The following TBC1D22A variants were observed in gnomAD, a reference collection of about 807,000 sequenced individuals.
The protein encoded by TBC1D22A is TBC1 domain family member 22A, also known as putative GTPase activator.
A neutral mutation model predicts 60.2 loss-of-function variants in TBC1D22A; 38 were observed. The ratio of observed to expected loss-of-function variants is 0.63; its 90% CI spans 0.49 to 0.83. The LOEUF (loss-of-function observed/expected upper bound fraction) is 0.83. Ranked by LOEUF, TBC1D22A falls within the 40% of genes least tolerant of loss-of-function variation. The pLI is 0.00. For synonymous variants in TBC1D22A, 302 were observed against 281.7 expected, an observed-to-expected ratio of 1.07 and a Z score of -0.72; for missense variants, 628 against 701.0, an observed-to-expected ratio of 0.90 and a Z score of 1.18.
intron 4 of TBC1D22A, among the ~76,000 whole-genome samples, chr22:46,841,692 A>G (rs2086777888): frequency 1.3e-5 from 2 of 152,218 alleles, no homozygotes; most frequent in South Asian, 4.1e-4. Flanking sequence ...GGAGGGCTGC[A>G]AAGTGGGGAG....
chr22:47,036,847 T>A (rs534277364), intron 10 of TBC1D22A, among the ~76,000 whole-genome samples: 76 of 152,324 alleles, frequency 5.0e-4, no homozygotes, highest in Admixed American at 1.0e-3. Context: ...ATTATAATCA[T>A]CACTTCAGCA....
At chr22:47,154,029 G>C (rs1015217838) in intron 12 of TBC1D22A, among the ~76,000 whole-genome samples, 8 of 152,106 alleles carry the variant, frequency 5.3e-5, no homozygotes, top group Admixed American at 3.3e-4. Flanking sequence ...GAGAGAGTAG[G>C]AGGAGATGTG....
intron 8 of TBC1D22A, among the ~76,000 whole-genome samples, chr22:46,931,564 C>G (rs1198861669): frequency 1.3e-5 from 2 of 152,234 alleles, no homozygotes; most frequent in African/African-American, 4.8e-5. Flanking sequence ...AGACTAAACT[C>G]ACCCAAGTCG....
intron 8 of TBC1D22A, among the ~76,000 whole-genome samples, chr22:46,950,004 G>A (rs928855961): frequency 6.6e-6 from 1 of 152,206 alleles, no homozygotes; most frequent in Non-Finnish European, 1.5e-5. Context: ...ATTGGTTAAC[G>A]TGGGTTAACA....
At chr22:46,974,873 G>C (rs1162812038) in intron 9 of TBC1D22A, among the ~76,000 whole-genome samples, 2 of 152,244 alleles carry the variant, frequency 1.3e-5, no homozygotes, top group Non-Finnish European at 2.9e-5. Flanking sequence ...CCTGCTCCCA[G>C]AGAGCAACAC....
intron 4 of TBC1D22A, among the ~76,000 whole-genome samples, chr22:46,827,615 C>T (rs1364504274): frequency 6.6e-6 from 1 of 152,192 alleles, no homozygotes; most frequent in Non-Finnish European, 1.5e-5. Flanking sequence ...GATCGGCCTG[C>T]CCAGAGAGAG....
Position 46,793,519 on chromosome 22 carries a change from CAAG to C in TBC1D22A, c.140_142del (p.Lys47del). 1 of 1,614,204 alleles carries C rather than the reference CAAG, an allele frequency of 6.2e-7. No individual in the cohort carries two copies. Among genetic ancestry groups the C allele is most frequent in the Non-Finnish European group, 8.5e-7 (1 of 1,180,038 alleles). The stretch of plus-strand genomic sequence containing the variant: ...ATTGCAGTTTGCTCAGGTCCACGGC[CAAG>C]ATGCCGACCACACCAGTGAAGGCCA... On this transcript the variant is annotated inframe_deletion, in exon 3 of 13. Transcript: ENST00000337137.
At chr22:46,918,153 T>C (rs938033414) in intron 8 of TBC1D22A, among the ~76,000 whole-genome samples, 2 of 152,208 alleles carry the variant, frequency 1.3e-5, no homozygotes, top group African/African-American at 4.8e-5. Flanking sequence ...GTGTCCAGTA[T>C]GCGTTGCTCT....
chr22:47,073,758 C>CAA (rs2064098871), intron 11 of TBC1D22A, among the ~76,000 whole-genome samples: 1 of 152,164 alleles, frequency 6.6e-6, no homozygotes, highest in South Asian at 2.1e-4. Flanking sequence ...AATACATGGG[C>CAA]AAACAGCCCT....
intron 4 of TBC1D22A, among the ~76,000 whole-genome samples, chr22:46,810,856 T>C (rs1399496111): frequency 6.6e-6 from 1 of 152,240 alleles, no homozygotes; most frequent in East Asian, 1.9e-4. Flanking sequence ...GGAACTCAGA[T>C]TCCTCCTGGG....
At chr22:46,997,941 C>T (rs1161533648) in intron 10 of TBC1D22A, among the ~76,000 whole-genome samples, 1 of 152,142 alleles carries the variant, frequency 6.6e-6, no homozygotes, top group Non-Finnish European at 1.5e-5. Context: ...AGTGAGTGTG[C>T]ACCCAAAGCA....
At chr22:46,925,120 G>A (rs1280699388) in intron 8 of TBC1D22A, among the ~76,000 whole-genome samples, 1 of 152,202 alleles carries the variant, frequency 6.6e-6, no homozygotes, top group East Asian at 1.9e-4. Context: ...GCTTTCCATT[G>A]TTAGCATTTA....
chr22:47,105,237 TA>T (rs924603490), intron 11 of TBC1D22A, among the ~76,000 whole-genome samples: 1 of 150,768 alleles, frequency 6.6e-6, no homozygotes, highest in African/African-American at 2.4e-5. Flanking sequence ...TGAGTGGATT[TA>T]AAAAAAAAAT....
At chr22:46,907,401 T>C (rs1211336412) in intron 7 of TBC1D22A, among the ~76,000 whole-genome samples, 1 of 152,184 alleles carries the variant, frequency 6.6e-6, no homozygotes, top group Non-Finnish European at 1.5e-5. Context: ...GGCTGCAGCA[T>C]TGCCTGGTAG....
In TBC1D22A at chr22:46,803,353, G is replaced by A. The variant is rs146952417; in HGVS notation, c.637+5733G>A. Reference sequence around the variant, plus strand: ...CCTCCAGGTCACACGTTTCTGGTTAGTGTAGACAGTGGGCATTCTTGGTGC... The same window carrying A: ...CCTCCAGGTCACACGTTTCTGGTTAATGTAGACAGTGGGCATTCTTGGTGC... On this transcript the variant is annotated intron_variant, in intron 4 of 12. Transcript: ENST00000337137. Among the ~76,000 whole-genome samples, 320 of 152,322 alleles carry A rather than the reference G, an allele frequency of 2.1e-3. 1 individual carries two copies. The highest frequency in any genetic ancestry group is 7.4e-3 in the African/African-American group (306 of 41,582).
intron 8 of TBC1D22A, among the ~76,000 whole-genome samples, chr22:46,947,370 G>A (rs1472602424): frequency 6.6e-6 from 1 of 151,876 alleles, no homozygotes; most frequent in African/African-American, 2.4e-5. Flanking sequence ...AGTTAAAAAG[G>A]CCCAGGCCAC....
chr22:46,852,017 T>G (rs1569130493), intron 4 of TBC1D22A, among the ~76,000 whole-genome samples: 1 of 152,180 alleles, frequency 6.6e-6, no homozygotes, highest in Non-Finnish European at 1.5e-5. Context: ...TTGGACAAAC[T>G]GGGCCTAGAA....
intron 11 of TBC1D22A, among the ~76,000 whole-genome samples, chr22:47,076,970 T>C (rs1036723099): frequency 2.6e-5 from 4 of 152,058 alleles, no homozygotes; most frequent in Admixed American, 1.3e-4. Context: ...AAAGAGGAAG[T>C]GGTAAAGAAG....
At chr22:47,147,763 T>C (rs2295247) in intron 12 of TBC1D22A, among the ~76,000 whole-genome samples, 76,943 of 152,098 alleles carry the variant, frequency 0.51, 21,183 homozygotes, top group East Asian at 0.76. Context: ...TGAGCACAGG[T>C]GGCCTGGCTG....
Sources: allele counts gnomAD v4.1 joint callset (sites outside exome capture counted in the v4.1 genomes callset), GRCh38; gene constraint gnomAD v4.1.1; transcripts MANE v1.5; gene names NCBI Gene and HGNC (gene_info 2026-07-23, HGNC 2026-07-21).